SLC25A37: variants seen among roughly 807,000 people sequenced by gnomAD.
SLC25A37 encodes the protein solute carrier family 25 member 37.
In SLC25A37, 17 loss-of-function variants were observed where a neutral mutation model predicts 31.0. The ratio of observed to expected loss-of-function variants is 0.55; its 90% CI spans 0.38 to 0.82. The LOEUF is 0.82. SLC25A37 is among the 40% of genes least tolerant of loss of function. SLC25A37 has a pLI of 0.00. For missense variants in SLC25A37, 404 were observed against 465.8 expected (o/e 0.87, Z 1.22); for synonymous variants, 222 against 193.0 (o/e 1.15, Z -1.24).
intron 1 of SLC25A37, among the ~76,000 whole-genome samples, chr8:23,534,736 G>A (rs556781639): frequency 9.8e-5 from 15 of 152,294 alleles, no homozygotes; most frequent in Admixed American, 2.0e-4. Flanking sequence ...AAAAGAAGAA[G>A]AGATGGTACC....
At chr8:23,554,302 CAGAT>C (rs1802308299) in intron 1 of SLC25A37, among the ~76,000 whole-genome samples, 1 of 152,152 alleles carries the variant, frequency 6.6e-6, no homozygotes, top group African/African-American at 2.4e-5. Context: ...GTATCAGTGC[CAGAT>C]GCAGGATGAG....
chr8:23,570,900 G>A (rs76542955), intron 3 of SLC25A37, among the ~76,000 whole-genome samples: 1 of 152,280 alleles, frequency 6.6e-6, no homozygotes, highest in East Asian at 1.9e-4. Flanking sequence ...ATACACAAGG[G>A]GGCACGCTTC....
intron 1 of SLC25A37, among the ~76,000 whole-genome samples, chr8:23,562,012 T>G (rs1563264062): frequency 6.6e-6 from 1 of 152,216 alleles, no homozygotes; most frequent in African/African-American, 2.4e-5. Flanking sequence ...CTCCATGCTC[T>G]GTGTTTGTTC....
chr8:23,571,724 G>T lies in SLC25A37; in HGVS notation c.886G>T (p.Ala296Ser). 1 of 1,614,046 alleles carries T rather than the reference G, an allele frequency of 6.2e-7. No homozygotes were observed. The highest frequency in any genetic ancestry group is 1.3e-5 in the African/African-American group (1 of 75,060). The change falls in exon 4 of 4, where the codon GCC becomes TCC. Residue 296 changes from alanine (A) to serine (S), a missense_variant. Around this residue, in one of 3 missense-constraint regions of SLC25A37, gnomAD observed 243 missense variants for 284.4 expected, o/e 0.85. Coordinates refer to ENST00000519973, the MANE Select transcript of SLC25A37 (RefSeq NM_016612.4). ...GACGGTGTACCAGCTCAACGGCCTG[G>T]CCGGCTACTTCAAAGGCATCCAGGC... Reference protein sequence around the residue: ...FRTVYQLNGLAGYFKGIQARV... With the variant: ...FRTVYQLNGLSGYFKGIQARV...
chr8:23,544,605 T>C (rs1801987108), intron 1 of SLC25A37, among the ~76,000 whole-genome samples: 1 of 151,760 alleles, frequency 6.6e-6, no homozygotes, highest in Non-Finnish European at 1.5e-5. Context: ...CGGGGAGGAG[T>C]TGGGAAAGGC....
chr8:23,573,634 G>T lies in SLC25A37; in HGVS notation c.*1779G>T. 1 of 375,384 alleles carries T rather than the reference G, an allele frequency of 2.7e-6. No homozygotes were observed. Among genetic ancestry groups the T allele is most frequent in the Non-Finnish European group, 5.5e-6 (1 of 181,416 alleles). 23.3% of individuals were successfully genotyped at this position (375,384 alleles called of 1,614,324 possible). A position where few individuals can be genotyped will look rare whatever the true frequency, so the allele number is the denominator to read the frequency against. ...GGGACCATGCACACAGTGCCTTGGGGAGTAGATTTTGCCCTAATAGCGATG... is the reference window on the plus strand; with the variant it reads ...GGGACCATGCACACAGTGCCTTGGGTAGTAGATTTTGCCCTAATAGCGATG... On this transcript the variant is annotated 3_prime_UTR_variant, in exon 4 of 4. Transcript: ENST00000519973.
chr8:23,560,393 G>C (rs1802484238), intron 1 of SLC25A37, among the ~76,000 whole-genome samples: 1 of 152,242 alleles, frequency 6.6e-6, no homozygotes, highest in African/African-American at 2.4e-5. Context: ...GGCTGCTGCA[G>C]GGTTGATCCC....
chr8:23,568,247 G>T, intron 2 of SLC25A37, 75 bp from the exon 3 acceptor site: 1 of 1,537,114 alleles, frequency 6.5e-7, no homozygotes, highest in Non-Finnish European at 9.0e-7. Context: ...CCTGGGTTCC[G>T]TCTGATTTTA....
intron 1 of SLC25A37, among the ~76,000 whole-genome samples, chr8:23,564,933 CTACCTACG>C (rs918012306): frequency 5.8e-4 from 88 of 152,154 alleles, no homozygotes; most frequent in African/African-American, 2.1e-3. Flanking sequence ...TCTGATCTAC[CTACCTACG>C]TACCTACCTA....
intron 1 of SLC25A37, among the ~76,000 whole-genome samples, chr8:23,559,105 A>G (rs773590718): frequency 6.6e-6 from 1 of 152,234 alleles, no homozygotes; most frequent in African/African-American, 2.4e-5. Flanking sequence ...TTGCATTGCT[A>G]AAGACAGAGG....
At chr8:23,556,721 C>T (rs2978468) in intron 1 of SLC25A37, among the ~76,000 whole-genome samples, 149,734 of 152,240 alleles carry the variant, frequency 0.98, 73,692 homozygotes, top group Middle Eastern at 1. Context: ...GAAAAAGACA[C>T]GATTTGGAAA....
chr8:23,553,544 G>T (rs1802284504), intron 1 of SLC25A37, among the ~76,000 whole-genome samples: 1 of 152,224 alleles, frequency 6.6e-6, no homozygotes. Context: ...GAGTCAAGGG[G>T]AGGCCCTGGG....
chr8:23,562,786 C>T (rs1802550582), intron 1 of SLC25A37, among the ~76,000 whole-genome samples: 1 of 152,188 alleles, frequency 6.6e-6, no homozygotes, highest in Non-Finnish European at 1.5e-5. Context: ...TGACCTTGCC[C>T]AGGGTCACAC....
chr8:23,539,504 G>A (rs1299573645), intron 1 of SLC25A37, among the ~76,000 whole-genome samples: 3 of 152,210 alleles, frequency 2.0e-5, no homozygotes, highest in African/African-American at 7.2e-5. Flanking sequence ...CCGGAGGAGT[G>A]TTTGTGTGTC....
intron 1 of SLC25A37, among the ~76,000 whole-genome samples, chr8:23,556,924 C>G (rs1802382685): frequency 1.3e-5 from 2 of 152,124 alleles, no homozygotes; most frequent in Admixed American, 6.5e-5. Context: ...GATCTTGGCT[C>G]ACTGCAACCT....
intron 1 of SLC25A37, among the ~76,000 whole-genome samples, chr8:23,538,380 C>CAAAAAAAAAAAAAA (rs1286476649): frequency 1.9e-4 from 2 of 10,762 alleles, no homozygotes; most frequent in Non-Finnish European, 4.0e-4. Context: ...GACTTCATCT[C>CAAAAAAAAAAAAAA]AAAAAAAAAA....
chr8:23,571,945 T>C lies in SLC25A37; in HGVS notation c.*90T>C, dbSNP rs1239635564. 1 of 1,426,652 alleles carries C rather than the reference T, an allele frequency of 7.0e-7. No individual in the cohort carries two copies. The highest frequency in any genetic ancestry group is 1.4e-5 in the African/African-American group (1 of 69,832). 88.4% of individuals were successfully genotyped at this position (1,426,652 alleles called of 1,614,324 possible). Reference sequence around the variant, plus strand: ...CCTCACACGTAGATCATTTTTTTTTTGCAGGGTGCTGCCTATGGGCCCTCT... The same window carrying C: ...CCTCACACGTAGATCATTTTTTTTTCGCAGGGTGCTGCCTATGGGCCCTCT... On this transcript the variant is annotated 3_prime_UTR_variant, in exon 4 of 4. Transcript: ENST00000519973.
At chr8:23,532,041 G>A (rs1255184095) in intron 1 of SLC25A37, 1 of 152,230 alleles carries the variant, frequency 6.6e-6, no homozygotes, top group Admixed American at 6.5e-5. Flanking sequence ...CGTGTACAAT[G>A]TACTTCTGGC....
Position 23,529,259 on chromosome 8 carries a change from G to T in SLC25A37, c.210+47G>T, listed in dbSNP as rs778708018. The T allele has an allele frequency of 2.2e-5, 34 of 1,548,822 alleles. No individual in the cohort carries two copies. Among genetic ancestry groups the T allele is most frequent in the Non-Finnish European group, 2.8e-5 (32 of 1,145,464 alleles). On this transcript the variant is annotated intron_variant, in intron 1 of 3. Coordinates refer to ENST00000519973, the MANE Select transcript of SLC25A37 (RefSeq NM_016612.4). The surrounding 1 kb of genome is among the most constrained non-coding windows in gnomAD (Gnocchi z 4.1). Reference sequence around the variant, plus strand: ...GGGACGCAACGAGCGGAGAAGGAGCGCGCGCGCGCATTTGCATCCCGCGCG... The same window carrying T: ...GGGACGCAACGAGCGGAGAAGGAGCTCGCGCGCGCATTTGCATCCCGCGCG...
Sources: allele counts gnomAD v4.1 joint callset (sites outside exome capture counted in the v4.1 genomes callset), GRCh38; gene constraint gnomAD v4.1.1; regional missense constraint gnomAD v4.1.1; non-coding constraint Gnocchi (gnomAD v3.1); transcripts MANE v1.5; gene names NCBI Gene and HGNC (gene_info 2026-07-23, HGNC 2026-07-21).